The following RCC1L variants were observed in gnomAD, a reference collection of about 807,000 sequenced individuals.
RCC1L encodes RCC1-like G exchanging factor-like protein.
A neutral mutation model predicts 58.6 loss-of-function variants in RCC1L; 46 were observed. The ratio of observed to expected loss-of-function variants is 0.79; its 90% CI spans 0.62 to 1.00. RCC1L has a LOEUF of 1.00. Ranked by LOEUF, RCC1L falls within the 50% of genes least tolerant of loss-of-function variation. RCC1L has a pLI of 0.00. For synonymous variants in RCC1L, 281 were observed against 262.9 expected (o/e 1.07, Z -0.67); for missense variants, 636 against 623.6 (o/e 1.02, Z -0.21).
intron 1 of RCC1L, 133 bp from the exon 2 acceptor site, chr7:75,070,902 C>T: frequency 1.7e-6 from 2 of 1,197,930 alleles, no homozygotes; most frequent in Non-Finnish European, 2.3e-6. Context: ...TTGAGACAGT[C>T]TCACTCTGTT....
At chr7:75,028,652 C>G (rs1251160417) in intron 10 of RCC1L, among the ~76,000 whole-genome samples, 5 of 152,312 alleles carry the variant, frequency 3.3e-5, no homozygotes, top group Non-Finnish European at 5.9e-5. Context: ...TGGGGCTCCC[C>G]TGGTTCCCAA....
chr7:75,048,225 C>A (rs1262741743), intron 10 of RCC1L, among the ~76,000 whole-genome samples: 1 of 146,880 alleles, frequency 6.8e-6, no homozygotes, highest in Non-Finnish European at 1.5e-5. Context: ...CCAGATTGTG[C>A]CACTGTACTC....
At chr7:75,060,903 G>T (rs946680933) in intron 6 of RCC1L, among the ~76,000 whole-genome samples, 4 of 151,296 alleles carry the variant, frequency 2.6e-5, no homozygotes, top group Non-Finnish European at 4.4e-5. Flanking sequence ...GCAACATGGC[G>T]AAACCCTGTT....
intron 9 of RCC1L, among the ~76,000 whole-genome samples, chr7:75,053,765 AGAG>A (rs2131989595): frequency 6.6e-6 from 1 of 152,288 alleles, no homozygotes; most frequent in South Asian, 2.1e-4. Flanking sequence ...CATGGGAGGC[AGAG>A]GAAGTGACAT....
chr7:75,036,211 G>GGCGCGCAGACCA (rs1805428193), intron 10 of RCC1L, among the ~76,000 whole-genome samples: 4 of 149,838 alleles, frequency 2.7e-5, no homozygotes, highest in Non-Finnish European at 3.0e-5. Context: ...CTGCCTCCCG[G>GGCGCGCAGACCA]GTTCAAGCAA....
chr7:75,070,532 C>G, intron 2 of RCC1L, 108 bp downstream of exon 2: 1 of 1,460,030 alleles, frequency 6.8e-7, no homozygotes, highest in African/African-American at 1.4e-5. Context: ...GATCTCGCCA[C>G]TGCACTCTAG....
At chr7:75,040,056 G>A (rs1313578060), downstream of RCC1L, among the ~76,000 whole-genome samples, 1 of 152,132 alleles carries the variant, frequency 6.6e-6, no homozygotes, top group Non-Finnish European at 1.5e-5. Flanking sequence ...GTGACCCACA[G>A]AAGGCACAGC....
intron 5 of RCC1L, 99 bp from the exon 6 acceptor site, chr7:75,061,390 G>A: frequency 1.0e-6 from 1 of 957,764 alleles, no homozygotes; most frequent in South Asian, 1.3e-5. Flanking sequence ...CCGCTCCTGG[G>A]CACCTGGAGC....
At chr7:75,063,460 T>C in intron 4 of RCC1L, 117 bp from the exon 5 acceptor site, 1 of 1,092,774 alleles carries the variant, frequency 9.2e-7, no homozygotes, top group South Asian at 1.3e-5. Flanking sequence ...CAGTAACTGT[T>C]GGGGTAACTC....
chr7:75,048,255 G>A (rs1249637235), intron 10 of RCC1L, among the ~76,000 whole-genome samples: 1 of 124,782 alleles, frequency 8.0e-6, no homozygotes, highest in Admixed American at 8.8e-5. Context: ...TGACAAAGCA[G>A]GACATCGCCT....
chr7:75,072,957 C>CA (rs778741324), intron 1 of RCC1L, among the ~76,000 whole-genome samples: 2 of 152,218 alleles, frequency 1.3e-5, no homozygotes, highest in African/African-American at 2.4e-5. Flanking sequence ...TAAATTAAAA[C>CA]AAAAAAATCC....
At position 75,042,992 on chromosome 7, in the gene RCC1L, T is replaced by C. The variant is rs1805610777; in HGVS notation, c.*40A>G. ...GCTGGCCTCTGCCAAGGAGTGCCAG[T>C]GGTTCCCGGGACGGGGCCGCCCAAG... is the stretch of plus-strand genomic sequence containing the variant. On this transcript the variant is annotated 3_prime_UTR_variant, in exon 11 of 11. Coordinates refer to ENST00000610322, the MANE Select transcript of RCC1L (RefSeq NM_030798.5). 2.5e-6 allele frequency: 4 copies of C among 1,613,940 alleles called. No homozygotes were observed. In the African/African-American group the frequency reaches 5.3e-5, roughly 22 times the overall value.
intron 3 of RCC1L, among the ~76,000 whole-genome samples, chr7:75,066,092 C>G (rs1209917220): frequency 6.6e-6 from 1 of 151,738 alleles, no homozygotes; most frequent in Admixed American, 6.6e-5. Context: ...GATCAGGCTG[C>G]CTTGTGTGCA....
chr7:75,073,671 G>A lies in RCC1L; in HGVS notation c.67C>T (p.Arg23Ter). The change falls in exon 1 of 11, where the codon CGA (arginine) becomes TGA (stop). Residue 23 changes from arginine to a stop codon, truncating the protein, a stop_gained. Transcript: ENST00000610322. LOFTEE classifies it high-confidence loss of function. Reference sequence around the variant, plus strand: ...CGCCCGGCCGCCGTCCAGTGCCCTCGCCCCAGCCCCGGCCCGCTCAGCCGC... The same window carrying A: ...CGCCCGGCCGCCGTCCAGTGCCCTCACCCCAGCCCCGGCCCGCTCAGCCGC... The part of the protein sequence containing the change: ...GRRLSGPGLG[R>*]GHWTAAGRSR... 1 of 1,485,348 alleles carries A rather than the reference G, an allele frequency of 6.7e-7. No individual in the cohort carries two copies. The highest frequency in any genetic ancestry group is 8.9e-7 in the Non-Finnish European group (1 of 1,125,418). The allele number at this position is 1,485,348 out of a possible 1,614,324, so 92.0% of individuals were successfully genotyped here.
At chr7:75,036,211 G>A (rs1805428101) in intron 10 of RCC1L, among the ~76,000 whole-genome samples, 1 of 149,844 alleles carries the variant, frequency 6.7e-6, no homozygotes. Flanking sequence ...CTGCCTCCCG[G>A]GTTCAAGCAA....
chr7:75,064,496 C>A, intron 4 of RCC1L, 86 bp downstream of exon 4: 3 of 1,499,860 alleles, frequency 2.0e-6, no homozygotes. Flanking sequence ...CCTCTGACCG[C>A]CCCGCGGGTT....
chr7:75,060,959 A>C (rs1806257879), intron 6 of RCC1L, among the ~76,000 whole-genome samples: 2 of 152,076 alleles, frequency 1.3e-5, no homozygotes, highest in Non-Finnish European at 2.9e-5. Context: ...CTGTTGTCCC[A>C]GCTACTCTGG....
intron 10 of RCC1L, among the ~76,000 whole-genome samples, chr7:75,051,608 T>G (rs1290121687): frequency 6.6e-6 from 1 of 152,120 alleles, no homozygotes; most frequent in Non-Finnish European, 1.5e-5. Flanking sequence ...ACATGGGGTT[T>G]CATCATGTTG....
At chr7:75,059,186 T>TC (rs1806190057) in intron 6 of RCC1L, among the ~76,000 whole-genome samples, 2 of 60,956 alleles carry the variant, frequency 3.3e-5, no homozygotes, top group Admixed American at 3.8e-4. Context: ...AATGAGACTC[T>TC]CAAAAAAAAA....
Sources: gnomAD v4.1 joint callset for allele counts (sites outside exome capture counted in the v4.1 genomes callset) on GRCh38, gnomAD v4.1.1 for gene constraint, MANE v1.5 for transcripts, NCBI Gene and HGNC (gene_info 2026-07-23, HGNC 2026-07-21) for gene names.